The following PPM1H variants were observed in gnomAD, a reference collection of about 807,000 sequenced individuals.
PPM1H encodes the protein protein phosphatase, Mg2+/Mn2+ dependent 1H, also known as protein phosphatase 1H.
Under a neutral mutation model 54.9 loss-of-function variants are expected in PPM1H, and 27 were observed. The ratio of observed to expected loss-of-function variants is 0.49; its 90% confidence interval spans 0.36 to 0.68. PPM1H has a LOEUF of 0.68. Ranked by LOEUF, PPM1H falls within the 30% of genes least tolerant of loss-of-function variation. PPM1H has a pLI of 0.00. For missense variants in PPM1H, 596 were observed against 667.8 expected (o/e 0.89, Z 1.19); for synonymous variants, 305 against 270.8 (o/e 1.13, Z -1.24).
chr12:62,745,351 C>T (rs1270355888), intron 4 of PPM1H, among the ~76,000 whole-genome samples: 1 of 152,064 alleles, frequency 6.6e-6, no homozygotes, highest in Non-Finnish European at 1.5e-5. Flanking sequence ...CATGAGCCAC[C>T]GCACCTGGTT....
At chr12:62,889,085 C>A (rs1471192516) in intron 1 of PPM1H, among the ~76,000 whole-genome samples, 1 of 152,168 alleles carries the variant, frequency 6.6e-6, no homozygotes, top group Non-Finnish European at 1.5e-5. Context: ...CAAGAGTTAG[C>A]TGCCTGTCCA....
Position 62,867,474 on chromosome 12 carries a change from G to A in PPM1H, c.246-35195C>T, listed in dbSNP as rs546945203. ...ACCCATATTAGTGCTAAATATAACC[G>A]CAGGGAAACAAAACACGCTAGGATC... is the stretch of plus-strand genomic sequence containing the variant. On this transcript the variant is annotated intron_variant, in intron 1 of 9. Transcript: ENST00000228705. 6.2e-3 allele frequency among the ~76,000 whole-genome samples: 923 copies of A among 149,778 alleles called. 8 individuals carry two copies. Among genetic ancestry groups the A allele is most frequent in the Non-Finnish European group, 8.6e-3 (584 of 67,702 alleles).
intron 4 of PPM1H, among the ~76,000 whole-genome samples, chr12:62,744,200 G>T (rs12820859): frequency 0.077 from 11,593 of 149,964 alleles, 522 homozygotes; most frequent in Admixed American, 0.13. Context: ...GCCAGGCGCT[G>T]TGGCTCACAC....
chr12:62,673,618 C>G (rs1204969095), intron 8 of PPM1H, among the ~76,000 whole-genome samples: 2 of 150,456 alleles, frequency 1.3e-5, no homozygotes, highest in African/African-American at 4.9e-5. Flanking sequence ...CAGCTCAGGA[C>G]TGGCTTTGTG....
At chr12:62,836,890 C>A (rs1185727552) in intron 1 of PPM1H, among the ~76,000 whole-genome samples, 2 of 152,082 alleles carry the variant, frequency 1.3e-5, no homozygotes, top group Non-Finnish European at 1.5e-5. Context: ...TCAACTGAAC[C>A]AAAACCCCTA....
chr12:62,661,840 C>T (rs2047480), intron 9 of PPM1H, among the ~76,000 whole-genome samples: 55,401 of 152,116 alleles, frequency 0.36, 10,194 homozygotes, highest in South Asian at 0.47. Flanking sequence ...GCACATGCCA[C>T]TGCACCTGTC....
chr12:62,708,493 T>C (rs1236103595), intron 6 of PPM1H, among the ~76,000 whole-genome samples: 1 of 152,154 alleles, frequency 6.6e-6, no homozygotes, highest in East Asian at 1.9e-4. Context: ...TTTATCAAGC[T>C]CTGGTAAGAG....
At chr12:62,905,512 G>T (rs1047587011) in intron 1 of PPM1H, among the ~76,000 whole-genome samples, 1 of 152,148 alleles carries the variant, frequency 6.6e-6, no homozygotes, top group African/African-American at 2.4e-5. Flanking sequence ...ACACAATGAG[G>T]TGTTATCATA....
chr12:62,771,045 G>GACAC (rs71086630), intron 4 of PPM1H, among the ~76,000 whole-genome samples: 8,846 of 129,388 alleles, frequency 0.068, 367 homozygotes, highest in African/African-American at 0.12. Flanking sequence ...AAAAGAAAAA[G>GACAC]ACACACACAC....
chr12:62,743,878 A>C (rs551338057), intron 4 of PPM1H, among the ~76,000 whole-genome samples: 3 of 152,358 alleles, frequency 2.0e-5, no homozygotes, highest in African/African-American at 7.2e-5. Context: ...AACATTAAAA[A>C]AACAACAATA....
chr12:62,755,326 G>T, intron 4 of PPM1H: 1 of 1,150,322 alleles, frequency 8.7e-7, no homozygotes, highest in South Asian at 1.2e-5. Flanking sequence ...TGCCATCAAT[G>T]ACCCCTTCAT....
chr12:62,870,147 C>A (rs751170457), intron 1 of PPM1H, among the ~76,000 whole-genome samples: 1 of 152,040 alleles, frequency 6.6e-6, no homozygotes. Flanking sequence ...AACTCTATGA[C>A]AAAAATATGG....
rs995643398 is a variant in PPM1H, at chr12:62,645,333, G to C, written c.*3156C>G. On this transcript the variant is annotated 3_prime_UTR_variant, in exon 10 of 10. Transcript: ENST00000228705. ...CACAAAGCCTCATGGAGGTTAAGTT[G>C]TTCAAGAATTTAAAAAGTAAACACC... 6.6e-6 allele frequency: 1 copy of C among 152,322 alleles called. No individual in the cohort carries two copies. Among genetic ancestry groups the C allele is most frequent in the Middle Eastern group, 3.4e-3 (1 of 294 alleles). The allele number at this position is 152,322 out of a possible 1,614,324, so 9.4% of individuals were successfully genotyped here. A position where few individuals can be genotyped will look rare whatever the true frequency, so the allele number is the denominator to read the frequency against.
intron 4 of PPM1H, among the ~76,000 whole-genome samples, chr12:62,746,200 A>G (rs934048027): frequency 1.3e-5 from 2 of 152,104 alleles, no homozygotes; most frequent in Non-Finnish European, 2.9e-5. Flanking sequence ...GTCTCAAAAA[A>G]AAAACAAAAA....
intron 5 of PPM1H, among the ~76,000 whole-genome samples, chr12:62,723,726 AGACT>A (rs2076275462): frequency 2.6e-5 from 4 of 152,200 alleles, no homozygotes; most frequent in African/African-American, 4.8e-5. Flanking sequence ...AGCACCAGAC[AGACT>A]AAGGCTGTGT....
chr12:62,846,334 T>TAA (rs201014283), intron 1 of PPM1H, among the ~76,000 whole-genome samples: 2 of 151,518 alleles, frequency 1.3e-5, no homozygotes, highest in Non-Finnish European at 2.9e-5. Context: ...CCATCGGTAC[T>TAA]AAAAAAAATA....
At chr12:62,907,593 A>G (rs1372080173) in intron 1 of PPM1H, among the ~76,000 whole-genome samples, 1 of 152,206 alleles carries the variant, frequency 6.6e-6, no homozygotes, top group Non-Finnish European at 1.5e-5. Context: ...CAACATAAAA[A>G]TGTTCTAGTC....
At chr12:62,682,652 C>T (rs980058912) in intron 8 of PPM1H, among the ~76,000 whole-genome samples, 5 of 152,112 alleles carry the variant, frequency 3.3e-5, no homozygotes, top group African/African-American at 1.2e-4. Context: ...TACAGGTGTG[C>T]ACCACTATGC....
chr12:62,677,133 C>T (rs1167049920), intron 8 of PPM1H, among the ~76,000 whole-genome samples: 3 of 152,192 alleles, frequency 2.0e-5, no homozygotes, highest in Non-Finnish European at 2.9e-5. Context: ...GGGCTGCACT[C>T]ATCAGGATGA....
Sources: allele counts gnomAD v4.1 joint callset (sites outside exome capture counted in the v4.1 genomes callset), GRCh38; gene constraint gnomAD v4.1.1; transcripts MANE v1.5; gene names NCBI Gene and HGNC (gene_info 2026-07-23, HGNC 2026-07-21).